The following IL17RD variants were observed in gnomAD, a reference collection of about 807,000 sequenced individuals.
The protein encoded by IL17RD is interleukin 17 receptor D, also known as interleukin-17 receptor D.
In IL17RD, 52 loss-of-function variants were observed where a neutral mutation model predicts 80.5. The observed-to-expected ratio is 0.65, with a 90% CI of 0.52 to 0.81. The LOEUF (loss-of-function observed/expected upper bound fraction) is 0.81, where lower values mean the gene tolerates loss of function less well. Among genes scored for constraint, IL17RD ranks in the 40% least tolerant of loss-of-function variants. The pLI is 0.00. For synonymous variants in IL17RD, 416 were observed against 391.8 expected, an observed-to-expected ratio of 1.06 and a Z score of -0.73; for missense variants, 1,024 against 955.1, an observed-to-expected ratio of 1.07 and a Z score of -0.95.
At chr3:57,129,352 A>C (rs1707560218) in intron 1 of IL17RD, among the ~76,000 whole-genome samples, 1 of 152,244 alleles carries the variant, frequency 6.6e-6, no homozygotes, top group East Asian at 1.9e-4. Flanking sequence ...GTGATTAGAC[A>C]ATAGAGGAAA....
At position 57,102,561 on chromosome 3, in the gene IL17RD, T is replaced by G; in HGVS notation, c.897A>C (p.Arg299Ser). The change falls in exon 10 of 13, where the codon AGA (arginine) becomes AGC (serine). Residue 299 changes from arginine (R) to serine (S), a missense_variant. Physicochemically the swap from Arg to Ser is moderately radical, Grantham distance 110. Transcript: ENST00000296318. ...PVHSPWAGPI[R>S]AVAITVPLVV... ...CCAGTGGCACTGTGATGGCCACGGCTCTGATGGGCCCGGCCCACGGGGAGT... is the reference window on the plus strand; with the variant it reads ...CCAGTGGCACTGTGATGGCCACGGCGCTGATGGGCCCGGCCCACGGGGAGT... 1 of 1,577,612 alleles carries G rather than the reference T, an allele frequency of 6.3e-7. No individual in the cohort carries two copies. Among genetic ancestry groups the G allele is most frequent in the Non-Finnish European group, 8.7e-7 (1 of 1,152,240 alleles).
chr3:57,128,948 A>G (rs1045125123), intron 1 of IL17RD, among the ~76,000 whole-genome samples: 1 of 152,222 alleles, frequency 6.6e-6, no homozygotes, highest in Admixed American at 6.5e-5. Context: ...CATGGCTGAT[A>G]ATCACAAATA....
In IL17RD at chr3:57,101,212, G is replaced by C. The variant is rs148170637; in HGVS notation, c.1131C>G (p.Phe377Leu). The C allele has an allele frequency of 2.5e-6, 4 of 1,613,698 alleles. No homozygotes were observed. Among genetic ancestry groups the C allele is most frequent in the African/African-American group, 1.3e-5 (1 of 75,042 alleles). Residue 377 changes from phenylalanine to leucine, a missense_variant, in exon 11 of 13, where the codon TTC becomes TTG. By Grantham distance (22) the Phe-to-Leu change is conservative (BLOSUM62 0). Transcript: ENST00000296318. ...GQNHMNVVQC[F>L]AYFLQDFCGC... The stretch of plus-strand genomic sequence containing the variant: ...CACAGAAGTCCTGGAGGAAGTAGGC[G>C]AAACACTGGACGACATTCATGTGAT...
rs377014716 is a variant in IL17RD, at chr3:57,155,661, G to T, written c.126+9500C>A. Reference sequence around the variant, plus strand: ...GCTGGAGTACAATGGCACGATCTTGGCTCACTGCAACCTCCGCCTCCTGGG... The same window carrying T: ...GCTGGAGTACAATGGCACGATCTTGTCTCACTGCAACCTCCGCCTCCTGGG... On this transcript the variant is annotated intron_variant, in intron 1 of 12. Coordinates refer to ENST00000296318, the MANE Select transcript of IL17RD (RefSeq NM_017563.5). 6.6e-5 allele frequency among the ~76,000 whole-genome samples: 10 copies of T among 152,266 alleles called. No individual in the cohort carries two copies. The East Asian group carries it at 1.7e-3, about 26-fold the overall frequency.
intron 7 of IL17RD, 30 bp from the exon 8 acceptor site, chr3:57,104,437 C>T (rs1706907035): frequency 6.5e-7 from 1 of 1,527,788 alleles, no homozygotes; most frequent in Admixed American, 1.7e-5. Flanking sequence ...ACTTTAAAAA[C>T]TCACTTCTTG....
chr3:57,125,269 T>A (rs1435129331), intron 1 of IL17RD, among the ~76,000 whole-genome samples: 1 of 151,892 alleles, frequency 6.6e-6, no homozygotes, highest in Non-Finnish European at 1.5e-5. Context: ...TAGCCAGGCG[T>A]GGTGGTGGGT....
In IL17RD at chr3:57,120,287, A is replaced by G; in HGVS notation, c.153T>C (p.Ser51=). Residue 51 remains serine, a synonymous_variant, in exon 2 of 13, where the codon AGT becomes AGC. Transcript: ENST00000296318. ...WRGVGPASRN[S]GLYNITFKYD... is the part of the protein sequence containing the mutation. The stretch of plus-strand genomic sequence containing the variant: ...ATTTGAAGGTGATGTTGTACAGCCC[A>G]CTGTTTCTGCTGGCTGGCCCCACTC... The G allele has an allele frequency of 1.2e-6, 2 of 1,613,794 alleles. No individual in the cohort carries two copies. The highest frequency in any genetic ancestry group is 1.6e-4 in the Middle Eastern group (1 of 6,062).
rs552623982 is a variant in IL17RD, at chr3:57,095,045, C to A, written c.*1348G>T. The A allele has an allele frequency of 1.3e-5, 2 of 152,588 alleles. No homozygotes were observed. The highest frequency in any genetic ancestry group is 2.9e-5 in the Non-Finnish European group (2 of 68,048). 9.5% of individuals were successfully genotyped at this position (152,588 alleles called of 1,614,324 possible). On this transcript the variant is annotated 3_prime_UTR_variant, in exon 13 of 13. Coordinates refer to ENST00000296318, the MANE Select transcript of IL17RD (RefSeq NM_017563.5). ...GAAAGTCCTGCCCCATCCCACCTCC[C>A]ACCTTGCCTCAGGATGTTTCTCAAC...
chr3:57,150,523 A>G (rs1482599509), intron 1 of IL17RD: 2 of 152,218 alleles, frequency 1.3e-5, no homozygotes, highest in Non-Finnish European at 2.9e-5. Context: ...CACATCAGAA[A>G]TAATTGTCTA....
Position 57,098,060 on chromosome 3 carries a change from T to A in IL17RD, c.1643A>T (p.Asn548Ile), listed in dbSNP as rs1372242693. The change falls in exon 12 of 13, where the codon AAC (asparagine) becomes ATC (isoleucine). Residue 548 changes from asparagine (N) to isoleucine (I), a missense_variant. By Grantham distance (149) the Asn-to-Ile change is moderately radical. Transcript: ENST00000296318. ...SGRSLYVAIC[N>I]MHQFIDEEPD... ...CTCCTCGTCAATAAACTGGTGCATG[T>A]TGCAAATGGCGACGTATAGGGACCG... is the stretch of plus-strand genomic sequence containing the variant. 5 of 1,614,002 alleles carry A rather than the reference T, an allele frequency of 3.1e-6. No individual in the cohort carries two copies. The East Asian group carries it at 8.9e-5, about 29-fold the overall frequency.
intron 1 of IL17RD, among the ~76,000 whole-genome samples, chr3:57,161,834 G>C (rs1404628570): frequency 6.6e-6 from 1 of 151,988 alleles, no homozygotes; most frequent in Non-Finnish European, 1.5e-5. Flanking sequence ...CAGTGTAAAT[G>C]AGGATGGTGT....
upstream of IL17RD, among the ~76,000 whole-genome samples, chr3:57,167,955 C>T (rs1039033504): frequency 3.3e-5 from 5 of 152,130 alleles, no homozygotes; most frequent in African/African-American, 1.2e-4. Context: ...CTCAGCCTCC[C>T]GAGTAGCTGG....
chr3:57,120,821 G>T (rs975645223), intron 1 of IL17RD, among the ~76,000 whole-genome samples: 1 of 152,154 alleles, frequency 6.6e-6, no homozygotes, highest in African/African-American at 2.4e-5. Flanking sequence ...CTTTTAATGA[G>T]AAAATTATTC....
At chr3:57,110,362 C>T in intron 3 of IL17RD, 51 bp from the exon 4 acceptor site, 1 of 1,538,262 alleles carries the variant, frequency 6.5e-7, no homozygotes, top group East Asian at 2.4e-5. Context: ...TACTTCTGAA[C>T]ACACTCTTCT....
At position 57,092,959 on chromosome 3, in the gene IL17RD, A is replaced by G. The variant is rs986455195; in HGVS notation, c.*3434T>C. On this transcript the variant is annotated 3_prime_UTR_variant, in exon 13 of 13. Coordinates refer to ENST00000296318, the MANE Select transcript of IL17RD (RefSeq NM_017563.5). ...CACTTGAATTTTAACTTAGTTGCCA[A>G]TATTTTTTAAAATCAGAATTTTTCA... is the stretch of plus-strand genomic sequence containing the variant. 5.9e-5 allele frequency: 9 copies of G among 152,242 alleles called. 2 individuals carry two copies. The South Asian group carries it at 1.5e-3, about 25-fold the overall frequency. The allele number at this position is 152,242 out of a possible 1,614,324, so 9.4% of individuals were successfully genotyped here. A position where few individuals can be genotyped will look rare whatever the true frequency, so the allele number is the denominator to read the frequency against.
intron 1 of IL17RD, among the ~76,000 whole-genome samples, chr3:57,144,718 C>G (rs1439876397): frequency 2.3e-4 from 1 of 4,316 alleles, no homozygotes; most frequent in East Asian, 6.8e-3. Flanking sequence ...TGGACAATCA[C>G]TCAGGATAAG....
chr3:57,104,230 T>C (rs1393482620), intron 8 of IL17RD, 112 bp downstream of exon 8: 1 of 705,062 alleles, frequency 1.4e-6, no homozygotes, highest in African/African-American at 1.8e-5. Flanking sequence ...TATAAAAATA[T>C]AACTGTGCAC....
intron 5 of IL17RD, among the ~76,000 whole-genome samples, chr3:57,106,401 G>T (rs1706967354): frequency 6.6e-6 from 1 of 152,300 alleles, no homozygotes; most frequent in Non-Finnish European, 1.5e-5. Context: ...AAGTCACCCA[G>T]ATTTTAAAAG....
intron 3 of IL17RD, among the ~76,000 whole-genome samples, chr3:57,110,601 A>G (rs1210805590): frequency 6.6e-6 from 1 of 152,254 alleles, no homozygotes; most frequent in Admixed American, 6.5e-5. Context: ...TTTAGACTCC[A>G]GTTACAATTG....
Sources: allele counts gnomAD v4.1 joint callset (sites outside exome capture counted in the v4.1 genomes callset), GRCh38; gene constraint gnomAD v4.1.1; transcripts MANE v1.5; gene names NCBI Gene and HGNC (gene_info 2026-07-23, HGNC 2026-07-21).